CHN2: variants seen among roughly 807,000 people sequenced by gnomAD.
CHN2 encodes beta-chimaerin.
CHN2 carries 35 observed loss-of-function variants against 56.3 expected under a neutral mutation model. That is an observed-to-expected ratio of 0.62 (90% CI 0.47 to 0.82). The LOEUF is 0.82. CHN2 is among the 40% of genes least tolerant of loss of function. The pLI is 0.00. For synonymous variants in CHN2, 210 were observed against 212.8 expected (o/e 0.99, Z 0.12); for missense variants, 491 against 580.5 (o/e 0.85, Z 1.58).
chr7:29,416,887 C>T lies in CHN2; in HGVS notation c.576+16059C>T, dbSNP rs199543741. On this transcript the variant is annotated intron_variant, in intron 6 of 12. Transcript: ENST00000222792. Reference sequence around the variant, plus strand: ...TCTCTAAGTAGTGATTGCTTTGATGCGACATTTCCTCCCATTGTGGAGCTC... The same window carrying T: ...TCTCTAAGTAGTGATTGCTTTGATGTGACATTTCCTCCCATTGTGGAGCTC... 5.3e-5 allele frequency among the ~76,000 whole-genome samples: 8 copies of T among 152,202 alleles called. No homozygotes were observed. The East Asian group carries it at 9.6e-4, about 18-fold the overall frequency.
At chr7:29,394,307 G>T (rs60903523) in intron 4 of CHN2, among the ~76,000 whole-genome samples, 11,011 of 152,050 alleles carry the variant, frequency 0.072, 438 homozygotes, top group African/African-American at 0.11. Context: ...AAAATAATTC[G>T]CAGTCTAAGC....
intron 6 of CHN2, among the ~76,000 whole-genome samples, chr7:29,435,958 G>C (rs1404233693): frequency 6.7e-6 from 1 of 148,186 alleles, no homozygotes; most frequent in African/African-American, 2.5e-5. Flanking sequence ...TGGATTCTAG[G>C]AGATAATCGG....
chr7:29,490,995 G>T (rs1028679327), intron 7 of CHN2, among the ~76,000 whole-genome samples: 1 of 151,938 alleles, frequency 6.6e-6, no homozygotes, highest in African/African-American at 2.4e-5. Context: ...TATGATTGTG[G>T]ATTTGTCAAT....
chr7:29,391,162 G>A (rs1293942837), intron 3 of CHN2, among the ~76,000 whole-genome samples: 1 of 151,986 alleles, frequency 6.6e-6, no homozygotes, highest in East Asian at 1.9e-4. Flanking sequence ...CTATCAAAAT[G>A]GCCCTCAACC....
intron 1 of CHN2, among the ~76,000 whole-genome samples, chr7:29,341,339 G>T (rs192898722): frequency 1.3e-5 from 2 of 152,124 alleles, no homozygotes; most frequent in African/African-American, 4.8e-5. Context: ...ACTGGCTGCC[G>T]ACATGCCCAT....
intron 1 of CHN2, among the ~76,000 whole-genome samples, chr7:29,268,283 AACACAC>A (rs145638795): frequency 3.0e-4 from 40 of 134,240 alleles, no homozygotes; most frequent in South Asian, 1.1e-3. Flanking sequence ...GCTTCACCAG[AACACAC>A]ACACACACAC....
intron 7 of CHN2, 47 bp downstream of exon 7, chr7:29,480,403 G>A: frequency 1.3e-6 from 2 of 1,567,800 alleles, no homozygotes; most frequent in South Asian, 1.1e-5. Context: ...AGGGCAGGTG[G>A]AAAGGTACAG....
At position 29,429,886 on chromosome 7, in the gene CHN2, A is replaced by G. The variant is rs146082053; in HGVS notation, c.576+29058A>G. Among the ~76,000 whole-genome samples, 907 of 152,356 alleles carry G rather than the reference A, an allele frequency of 6.0e-3. 5 individuals are homozygous for G. The highest frequency in any genetic ancestry group is 0.02 in the African/African-American group (851 of 41,566). ...AACCTTGCGTAATTAGCGTATAGCT[A>G]TTTAAGCTTCGTAGCTATATCTTCG... is the stretch of plus-strand genomic sequence containing the variant. On this transcript the variant is annotated intron_variant, in intron 6 of 12. Coordinates refer to ENST00000222792, the MANE Select transcript of CHN2 (RefSeq NM_004067.4).
At chr7:29,163,998 G>A (rs577733134) in intron 2 of CHN2, among the ~76,000 whole-genome samples, 2 of 152,308 alleles carry the variant, frequency 1.3e-5, no homozygotes, top group African/African-American at 4.8e-5. Flanking sequence ...AAGTCCTTAT[G>A]TGGACATATG....
intron 3 of CHN2, among the ~76,000 whole-genome samples, chr7:29,373,761 G>A (rs1219993449): frequency 6.6e-6 from 1 of 151,998 alleles, no homozygotes; most frequent in African/African-American, 2.4e-5. Context: ...CATTTATCTT[G>A]TCTTAGGCAC....
intron 3 of CHN2, among the ~76,000 whole-genome samples, chr7:29,386,418 C>T (rs1245748900): frequency 6.6e-6 from 1 of 152,084 alleles, no homozygotes; most frequent in Non-Finnish European, 1.5e-5. Context: ...GCTGCTAAGT[C>T]GGGTTTTTAA....
intron 7 of CHN2, chr7:29,483,691 TG>T: frequency 3.7e-6 from 1 of 266,680 alleles, no homozygotes; most frequent in Non-Finnish European, 6.0e-6. Context: ...CTGCTGTAAC[TG>T]GAACAGCTCT....
At chr7:29,315,677 T>C (rs1008527109) in intron 1 of CHN2, among the ~76,000 whole-genome samples, 3 of 152,222 alleles carry the variant, frequency 2.0e-5, no homozygotes, top group Non-Finnish European at 4.4e-5. Context: ...ACGATTCATT[T>C]TTTTTTCATT....
intron 6 of CHN2, chr7:29,479,876 C>T (rs1585544441): frequency 7.2e-7 from 1 of 1,388,928 alleles, no homozygotes; most frequent in East Asian, 2.7e-5. Flanking sequence ...TGCTATTGTT[C>T]CAGGCGCACG....
intron 1 of CHN2, among the ~76,000 whole-genome samples, chr7:29,291,829 G>T (rs7778542): frequency 0.057 from 8,705 of 152,180 alleles, 358 homozygotes; most frequent in African/African-American, 0.11. Context: ...CTTTAGGATG[G>T]CACAGAGTAT....
At chr7:29,405,313 G>A (rs1020809806) in intron 6 of CHN2, among the ~76,000 whole-genome samples, 5 of 151,796 alleles carry the variant, frequency 3.3e-5, no homozygotes, top group Non-Finnish European at 7.4e-5. Context: ...GGTCTTTAAC[G>A]AAGAGTCTGT....
intron 2 of CHN2, among the ~76,000 whole-genome samples, chr7:29,358,774 T>G (rs1404566204): frequency 1.3e-5 from 2 of 152,154 alleles, no homozygotes; most frequent in African/African-American, 4.8e-5. Context: ...TAATGATTGA[T>G]TTTAAGAAGC....
chr7:29,241,132 C>T lies in CHN2; in HGVS notation c.49+46142C>T, dbSNP rs191509481. ...ACCTCCTGACCTCAAGGGATCCTCCCGCCTCGGCCTTCCAAAGTGCTGAGA... is the reference window on the plus strand; with the variant it reads ...ACCTCCTGACCTCAAGGGATCCTCCTGCCTCGGCCTTCCAAAGTGCTGAGA... On this transcript the variant is annotated intron_variant, in intron 1 of 12. Coordinates refer to ENST00000222792, the MANE Select transcript of CHN2 (RefSeq NM_004067.4). Among the ~76,000 whole-genome samples, 416 of 152,212 alleles carry T rather than the reference C, an allele frequency of 2.7e-3. 1 individual carries two copies. Among genetic ancestry groups the T allele is most frequent in the African/African-American group, 9.1e-3 (379 of 41,534 alleles).
intron 6 of CHN2, among the ~76,000 whole-genome samples, chr7:29,434,124 T>G (rs1458201958): frequency 6.6e-6 from 1 of 152,014 alleles, no homozygotes; most frequent in African/African-American, 2.4e-5. Context: ...GTGGTGGGGG[T>G]TTTGAACCTC....
Sources: allele counts gnomAD v4.1 joint callset (sites outside exome capture counted in the v4.1 genomes callset), GRCh38; gene constraint gnomAD v4.1.1; transcripts MANE v1.5; gene names NCBI Gene and HGNC (gene_info 2026-07-23, HGNC 2026-07-21).